The following SYNE1 variants were observed in gnomAD, a reference collection of about 807,000 sequenced individuals.
SYNE1 encodes spectrin repeat containing nuclear envelope protein 1, also known as nesprin-1.
A neutral mutation model predicts 1,111.0 loss-of-function variants in SYNE1; 616 were observed. That is an observed-to-expected ratio of 0.55 (90% CI 0.52 to 0.59). The LOEUF (loss-of-function observed/expected upper bound fraction) is 0.59, where lower values mean the gene tolerates loss of function less well. Ranked by LOEUF, SYNE1 falls within the 20% of genes least tolerant of loss-of-function variation. SYNE1 has a pLI of 0.00. For synonymous variants in SYNE1, 3,855 were observed against 3,825.8 expected, an observed-to-expected ratio of 1.01 and a Z score of -0.28; for missense variants, 10,006 against 10,417.0, an observed-to-expected ratio of 0.96 and a Z score of 1.72.
intron 143 of SYNE1, 97 bp from the exon 144 acceptor site, chr6:152,132,311 C>T: frequency 2.0e-6 from 2 of 1,011,376 alleles, no homozygotes; most frequent in Non-Finnish European, 1.6e-6. Context: ...TCCATCCACC[C>T]CCATGTCTCC....
intron 141 of SYNE1, among the ~76,000 whole-genome samples, chr6:152,136,112 T>C (rs1157617572): frequency 6.6e-6 from 1 of 152,206 alleles, no homozygotes; most frequent in African/African-American, 2.4e-5. Flanking sequence ...CGTCTGCAAG[T>C]ATCTGGTTTA....
rs57095244 is a variant in SYNE1 at position 152,359,629 on chromosome 6, G to GGTGTGTGTGT, written c.10300-181_10300-172dup. Among the ~76,000 whole-genome samples, 1,741 of 148,570 alleles carry GGTGTGTGTGT rather than the reference G, an allele frequency of 0.012. 37 individuals are homozygous for GGTGTGTGTGT. Among genetic ancestry groups the GGTGTGTGTGT allele is most frequent in the African/African-American group, 0.04 (1,642 of 40,622 alleles). ...ACACAGATATGTGTGTGAATGCATG[G>GGTGTGTGTGT]GTGTGTGTGTGTGTGTGTGTGTGTA... On this transcript the variant is annotated intron_variant, in intron 64 of 145. Transcript: ENST00000367255.
intron 132 of SYNE1, 143 bp downstream of exon 132, chr6:152,155,767 G>A: frequency 4.2e-6 from 4 of 953,306 alleles, no homozygotes; most frequent in Non-Finnish European, 6.6e-6. Flanking sequence ...CCAACTAAAT[G>A]TAGACAATAG....
rs1054162442 is a variant in SYNE1 at position 152,350,514 on chromosome 6, T to A, written c.11733+104A>T. On this transcript the variant is annotated intron_variant, in intron 71 of 145. Coordinates refer to ENST00000367255, the MANE Select transcript of SYNE1 (RefSeq NM_182961.4). Reference sequence around the variant, plus strand: ...AAATATCCATCTGAATAAAAAAAAATACTAACCCGTACCAGGCCTTAAAAT... The same window carrying A: ...AAATATCCATCTGAATAAAAAAAAAAACTAACCCGTACCAGGCCTTAAAAT... 3.9e-5 allele frequency: 60 copies of A among 1,520,246 alleles called. No individual in the cohort carries two copies. In the South Asian group the frequency reaches 5.3e-4, roughly 13 times the overall value. 94.2% of individuals were successfully genotyped at this position (1,520,246 alleles called of 1,614,324 possible).
chr6:152,409,700 C>T lies in SYNE1; in HGVS notation c.6240G>A (p.Gln2080=), dbSNP rs201602211. ...TCATTAAGTCAATAAGTCCACAGCA[C>T]TGACCCTGACTGTAATGATTAAAGA... ...TKRLIHENQG[Q]CCGLIDLMRE... is the part of the protein sequence containing the mutation. The change falls in exon 43 of 146, where the codon CAG becomes CAA. Residue 2080 remains glutamine (Q), a synonymous_variant. Coordinates refer to ENST00000367255, the MANE Select transcript of SYNE1 (RefSeq NM_182961.4). The T allele has an allele frequency of 1.2e-6, 2 of 1,613,570 alleles. No homozygotes were observed. Among genetic ancestry groups the T allele is most frequent in the Non-Finnish European group, 1.7e-6 (2 of 1,179,918 alleles).
At position 152,199,802 on chromosome 6, in the gene SYNE1, G is replaced by A. The variant is rs1430813029; in HGVS notation, c.23145+2022C>T. Among the ~76,000 whole-genome samples, 4 of 152,170 alleles carry A rather than the reference G, an allele frequency of 2.6e-5. No individual in the cohort carries two copies. In the East Asian group the frequency reaches 7.7e-4, roughly 29 times the overall value. On this transcript the variant is annotated intron_variant, in intron 127 of 145. Transcript: ENST00000367255. ...TTTAGCCTGAATTTTCCAGGTAATT[G>A]CCTTGTTTTGCTGCTAAGGGCAGTT...
intron 3 of SYNE1, among the ~76,000 whole-genome samples, chr6:152,608,261 A>G (rs1268308834): frequency 6.6e-6 from 1 of 152,246 alleles, no homozygotes; most frequent in Non-Finnish European, 1.5e-5. Flanking sequence ...CATAATGGAC[A>G]AGGTGAATTC....
chr6:152,434,561 T>C (rs1022283954), intron 33 of SYNE1: 1 of 152,294 alleles, frequency 6.6e-6, no homozygotes, highest in Admixed American at 6.5e-5. Context: ...AAAAGACATT[T>C]ATAAATTATT....
chr6:152,570,832 GACAA>G (rs2099449794), intron 3 of SYNE1, among the ~76,000 whole-genome samples: 1 of 152,096 alleles, frequency 6.6e-6, no homozygotes, highest in Non-Finnish European at 1.5e-5. Flanking sequence ...TAAAGAGAAA[GACAA>G]ACAAGCAAAC....
intron 45 of SYNE1, among the ~76,000 whole-genome samples, chr6:152,406,564 A>T (rs116722545): frequency 0.01 from 1,543 of 152,120 alleles, 35 homozygotes; most frequent in African/African-American, 0.036. Context: ...ATGCTCTTCT[A>T]TGTCTCTAAA....
chr6:152,362,400 T>C, intron 63 of SYNE1, 77 bp from the exon 64 acceptor site: 2 of 1,590,546 alleles, frequency 1.3e-6, no homozygotes, highest in East Asian at 2.2e-5. Flanking sequence ...GTCTGCTCCA[T>C]CCACTCCAGT....
At chr6:152,339,151 A>G in intron 75 of SYNE1, 90 bp downstream of exon 75, 1 of 1,540,672 alleles carries the variant, frequency 6.5e-7, no homozygotes, top group Non-Finnish European at 8.9e-7. Flanking sequence ...GAACAAGCCA[A>G]GAGCTATTTT....
intron 3 of SYNE1, among the ~76,000 whole-genome samples, chr6:152,615,692 A>G (rs2128852754): frequency 6.6e-6 from 1 of 152,364 alleles, no homozygotes; most frequent in East Asian, 1.9e-4. Context: ...AAATTTATTA[A>G]TTATGCATAG....
intron 65 of SYNE1, 104 bp from the exon 66 acceptor site, chr6:152,358,641 G>A: frequency 8.8e-7 from 1 of 1,132,214 alleles, no homozygotes; most frequent in East Asian, 2.5e-5. Context: ...TAATTATTGA[G>A]ACATTAGAAT....
chr6:152,369,324 C>T (rs1290677196), intron 60 of SYNE1, 147 bp downstream of exon 60: 2 of 1,408,096 alleles, frequency 1.4e-6, no homozygotes, highest in African/African-American at 1.4e-5. Flanking sequence ...AGTCAGAAAA[C>T]ATAAAATCCA....
intron 131 of SYNE1, among the ~76,000 whole-genome samples, chr6:152,157,653 C>CAACTTATCATTACACAGATT (rs1176367941): frequency 7.2e-5 from 11 of 152,170 alleles, no homozygotes; most frequent in African/African-American, 2.2e-4. Context: ...ACAGTTTATG[C>CAACTTATCATTACACAGATT]ATGTAACAAA....
intron 39 of SYNE1, 51 bp downstream of exon 39, chr6:152,425,330 T>A (rs1292991909): frequency 1.9e-6 from 3 of 1,577,026 alleles, no homozygotes; most frequent in Non-Finnish European, 1.7e-6. Flanking sequence ...TATATGCTCA[T>A]CATTTAAAAA....
At chr6:152,160,977 G>T (rs1305272210) in intron 131 of SYNE1, among the ~76,000 whole-genome samples, 2 of 151,428 alleles carry the variant, frequency 1.3e-5, no homozygotes, top group Non-Finnish European at 2.9e-5. Context: ...TGTAATGTGT[G>T]TACACATATA....
At chr6:152,174,198 A>G (rs950830951) in intron 130 of SYNE1, among the ~76,000 whole-genome samples, 1 of 152,204 alleles carries the variant, frequency 6.6e-6, no homozygotes, top group East Asian at 1.9e-4. Flanking sequence ...AATTTGACCA[A>G]AAAACTCCCC....
Sources: allele counts gnomAD v4.1 joint callset (sites outside exome capture counted in the v4.1 genomes callset), GRCh38; gene constraint gnomAD v4.1.1; transcripts MANE v1.5; gene names NCBI Gene and HGNC (gene_info 2026-07-23, HGNC 2026-07-21).